The following PHF2 variants were observed in gnomAD, a reference collection of about 807,000 sequenced individuals.
The protein encoded by PHF2 is lysine-specific demethylase PHF2.
Under a neutral mutation model 120.5 loss-of-function variants are expected in PHF2, and 27 were observed. The ratio of observed to expected loss-of-function variants is 0.22; its 90% CI spans 0.17 to 0.31. The LOEUF is 0.31. PHF2 is among the 10% of genes least tolerant of loss of function. The pLI, the probability that PHF2 is intolerant of heterozygous loss-of-function variation, is 1.00. For missense variants in PHF2, 1,024 were observed against 1,434.8 expected (o/e 0.71, Z 4.63); for synonymous variants, 568 against 592.5 (o/e 0.96, Z 0.60).
At position 93,576,738 on chromosome 9, in the gene PHF2, C is replaced by T. The variant is rs745640386; in HGVS notation, c.-36C>T. ...CCGGCCCGGACCGACCCGGGCAGCG[C>T]AGCGGCGGGGCCGAGCGGCGGCGCG... On this transcript the variant is annotated 5_prime_UTR_variant, in exon 1 of 22. Coordinates refer to ENST00000359246, the MANE Select transcript of PHF2 (RefSeq NM_005392.4). The T allele has an allele frequency of 2.1e-5, 23 of 1,100,548 alleles. No individual in the cohort carries two copies. The highest frequency in any genetic ancestry group is 2.5e-5 in the Non-Finnish European group (22 of 872,236). The allele number at this position is 1,100,548 out of a possible 1,614,324, so 68.2% of individuals were successfully genotyped here.
chr9:93,641,734 T>C (rs947585407), intron 3 of PHF2, among the ~76,000 whole-genome samples: 5 of 152,252 alleles, frequency 3.3e-5, no homozygotes, highest in African/African-American at 9.6e-5. Context: ...CTGTGTTGTC[T>C]TTGTAGTTTC....
At chr9:93,654,794 G>T (rs1213663944) in intron 7 of PHF2, among the ~76,000 whole-genome samples, 1 of 152,204 alleles carries the variant, frequency 6.6e-6, no homozygotes, top group Non-Finnish European at 1.5e-5. Context: ...CCTGCAGAGG[G>T]GCCAGCAATG....
intron 2 of PHF2, among the ~76,000 whole-genome samples, chr9:93,632,271 A>G (rs1291083207): frequency 1.3e-5 from 2 of 152,122 alleles, no homozygotes; most frequent in African/African-American, 2.4e-5. Context: ...CTAGACTAGC[A>G]GACAGTGCTG....
intron 1 of PHF2, among the ~76,000 whole-genome samples, chr9:93,577,713 G>C (rs1455251027): frequency 2.0e-5 from 3 of 152,172 alleles, no homozygotes; most frequent in Admixed American, 1.3e-4. Context: ...TGGGGAGGGG[G>C]GAAGGAGGTA....
intron 6 of PHF2, among the ~76,000 whole-genome samples, chr9:93,653,625 G>A (rs1200467686): frequency 7.2e-5 from 11 of 152,326 alleles, no homozygotes. Context: ...AGACCACCAG[G>A]TGACCATGCA....
chr9:93,636,319 T>C, intron 2 of PHF2, 92 bp from the exon 3 acceptor site: 1 of 915,290 alleles, frequency 1.1e-6, no homozygotes, highest in Non-Finnish European at 1.7e-6. Flanking sequence ...GAGTTGTTAG[T>C]AGGCTGGGTG....
intron 2 of PHF2, 39 bp from the exon 3 acceptor site, chr9:93,636,372 G>A (rs748778517): frequency 1.3e-6 from 2 of 1,510,358 alleles, no homozygotes; most frequent in East Asian, 4.7e-5. Flanking sequence ...TGCTGGGGCT[G>A]CGCTGTGTGA....
Position 93,622,931 on chromosome 9 carries a change from A to G in PHF2, c.99-7039A>G, listed in dbSNP as rs1337221314. ...CAGCACCAACCCATAAAGGCCTGACAGGCAGGTGTGTGTGATGGGCCATGT... is the reference window on the plus strand; with the variant it reads ...CAGCACCAACCCATAAAGGCCTGACGGGCAGGTGTGTGTGATGGGCCATGT... On this transcript the variant is annotated intron_variant, in intron 1 of 21. Coordinates refer to ENST00000359246, the MANE Select transcript of PHF2 (RefSeq NM_005392.4). 3.9e-5 allele frequency among the ~76,000 whole-genome samples: 6 copies of G among 152,302 alleles called. No homozygotes were observed. The East Asian group carries it at 1.2e-3, about 29-fold the overall frequency.
intron 3 of PHF2, among the ~76,000 whole-genome samples, chr9:93,636,834 A>T (rs1587697505): frequency 6.6e-6 from 1 of 152,104 alleles, no homozygotes; most frequent in African/African-American, 2.4e-5. Flanking sequence ...CATGCCAGGT[A>T]CTCTCCTGAG....
chr9:93,661,665 TAATG>T (rs1404447053), intron 12 of PHF2, among the ~76,000 whole-genome samples: 2 of 148,268 alleles, frequency 1.3e-5, no homozygotes, highest in Admixed American at 6.7e-5. Context: ...ATGAATGGAA[TAATG>T]AATGAATGGG....
chr9:93,607,244 CTTGCTGGGGTTTTTG>C (rs1825557652), intron 1 of PHF2, among the ~76,000 whole-genome samples: 1 of 151,994 alleles, frequency 6.6e-6, no homozygotes, highest in Non-Finnish European at 1.5e-5. Flanking sequence ...CACAAAATAA[CTTGCTGGGGTTTTTG>C]TTGTTGTTGT....
chr9:93,615,671 G>A (rs762420095), intron 1 of PHF2, among the ~76,000 whole-genome samples: 10 of 152,202 alleles, frequency 6.6e-5, no homozygotes, highest in Non-Finnish European at 1.3e-4. Context: ...GATGCCTCAT[G>A]TGCTGTGCTG....
chr9:93,634,302 A>T (rs915644615), intron 2 of PHF2, among the ~76,000 whole-genome samples: 3 of 151,860 alleles, frequency 2.0e-5, no homozygotes, highest in African/African-American at 7.3e-5. Context: ...GAGGCTTAGG[A>T]TTGTTGGGGG....
intron 1 of PHF2, among the ~76,000 whole-genome samples, chr9:93,622,338 C>T (rs1825839511): frequency 6.6e-6 from 1 of 152,244 alleles, no homozygotes; most frequent in South Asian, 2.1e-4. Context: ...ACAGCCCCCG[C>T]TGTCACCCAT....
Position 93,659,565 on chromosome 9 carries a change from A to G in PHF2, c.1294A>G (p.Ile432Val). The G allele has an allele frequency of 6.2e-7, 1 of 1,614,076 alleles. No individual in the cohort carries two copies. Among genetic ancestry groups the G allele is most frequent in the Non-Finnish European group, 8.5e-7 (1 of 1,180,002 alleles). ...GGAGCACTTCAAACCTTCACAGCTA[A>G]TCAAAGACCTGGCCAAAGAGATCCG... is the stretch of plus-strand genomic sequence containing the variant. Reference protein sequence around the residue: ...LPEHFKPSQLIKDLAKEIRLS... With the variant: ...LPEHFKPSQLVKDLAKEIRLS... Residue 432 changes from isoleucine (I) to valine (V), a missense_variant, in exon 11 of 22, where the codon ATC becomes GTC. Coordinates refer to ENST00000359246, the MANE Select transcript of PHF2 (RefSeq NM_005392.4).
At chr9:93,578,085 G>A (rs1337630464) in intron 1 of PHF2, among the ~76,000 whole-genome samples, 2 of 152,242 alleles carry the variant, frequency 1.3e-5, no homozygotes, top group East Asian at 3.8e-4. Flanking sequence ...GGTCAGTGGT[G>A]CTTAAGAGTG....
intron 1 of PHF2, among the ~76,000 whole-genome samples, chr9:93,580,564 T>C (rs547189820): frequency 1.3e-5 from 2 of 152,212 alleles, no homozygotes; most frequent in Non-Finnish European, 2.9e-5. Flanking sequence ...TTTAAATCTC[T>C]GGGAAGCAGG....
At chr9:93,577,223 G>A (rs1862839607) in intron 1 of PHF2, among the ~76,000 whole-genome samples, 1 of 151,016 alleles carries the variant, frequency 6.6e-6, no homozygotes, top group African/African-American at 2.4e-5. Flanking sequence ...CGCAGAGGCC[G>A]GGCATCCGGA....
chr9:93,661,239 G>A (rs1010337157), intron 12 of PHF2, among the ~76,000 whole-genome samples: 1 of 152,172 alleles, frequency 6.6e-6, no homozygotes, highest in African/African-American at 2.4e-5. Flanking sequence ...GCACCATTGA[G>A]TGTGAGTTTC....
Sources: gnomAD v4.1 joint callset for allele counts (sites outside exome capture counted in the v4.1 genomes callset) on GRCh38, gnomAD v4.1.1 for gene constraint, MANE v1.5 for transcripts, NCBI Gene and HGNC (gene_info 2026-07-23, HGNC 2026-07-21) for gene names.